The following ELOC variants were observed in gnomAD, a reference collection of about 807,000 sequenced individuals.
The protein encoded by ELOC is elongin C.
For missense variants in ELOC, 38 were observed against 139.0 expected, an observed-to-expected ratio of 0.27 and a Z score of 3.65; for synonymous variants, 40 against 51.3, an observed-to-expected ratio of 0.78 and a Z score of 0.94.
chr8:73,971,706 G>A (rs4738405), intron 1 of ELOC, among the ~76,000 whole-genome samples: 1 of 152,010 alleles, frequency 6.6e-6, no homozygotes, highest in Non-Finnish European at 1.5e-5. Flanking sequence ...CCTGGGCTAG[G>A]GACTGACTTC....
At chr8:73,964,290 T>C (rs1441478620) in intron 1 of ELOC, among the ~76,000 whole-genome samples, 1 of 150,624 alleles carries the variant, frequency 6.6e-6, no homozygotes, top group Admixed American at 6.6e-5. Context: ...CCTGAATCCT[T>C]ATATGGAAAA....
chr8:73,961,760 GC>G (rs1814617313), intron 1 of ELOC, among the ~76,000 whole-genome samples: 1 of 151,506 alleles, frequency 6.6e-6, no homozygotes, highest in Non-Finnish European at 1.5e-5. Context: ...TGATCCACTT[GC>G]CTCAGCCTCC....
intron 2 of ELOC, among the ~76,000 whole-genome samples, chr8:73,958,648 T>C (rs541263719): frequency 4.1e-4 from 62 of 152,312 alleles, no homozygotes; most frequent in African/African-American, 1.4e-3. Flanking sequence ...ATAAAAATGG[T>C]TATTATTTCA....
chr8:73,949,219 T>C (rs900265393), intron 3 of ELOC, among the ~76,000 whole-genome samples: 1 of 152,106 alleles, frequency 6.6e-6, no homozygotes, highest in Non-Finnish European at 1.5e-5. Flanking sequence ...TGGTTGGGGG[T>C]ATACTGTAGC....
intron 3 of ELOC, among the ~76,000 whole-genome samples, chr8:73,950,208 G>C (rs1586592512): frequency 6.6e-6 from 1 of 152,120 alleles, no homozygotes; most frequent in African/African-American, 2.4e-5. Context: ...CATGTCAAAA[G>C]GACACAGAAG....
chr8:73,964,839 C>A (rs185833725), intron 1 of ELOC, among the ~76,000 whole-genome samples: 169 of 152,122 alleles, frequency 1.1e-3, no homozygotes, highest in Non-Finnish European at 2.1e-3. Flanking sequence ...GCCTGGACAA[C>A]ATGGTGGTGA....
chr8:73,957,267 A>C (rs1037667346), intron 2 of ELOC, among the ~76,000 whole-genome samples: 1 of 152,088 alleles, frequency 6.6e-6, no homozygotes, highest in Admixed American at 6.6e-5. Flanking sequence ...CTTTAAAAAA[A>C]CCCAAAGCTG....
intron 1 of ELOC, among the ~76,000 whole-genome samples, chr8:73,971,001 T>A (rs1815341305): frequency 8.3e-6 from 1 of 120,080 alleles, no homozygotes; most frequent in Non-Finnish European, 1.6e-5. Context: ...GTCACTGCAC[T>A]CCAGCCTCAG....
At chr8:73,950,072 C>G (rs911017810) in intron 3 of ELOC, among the ~76,000 whole-genome samples, 1 of 152,076 alleles carries the variant, frequency 6.6e-6, no homozygotes, top group Non-Finnish European at 1.5e-5. Flanking sequence ...CCCCTAAATA[C>G]CATTTTCTAC....
In ELOC at chr8:73,963,839, T is replaced by A. The variant is rs139094547; in HGVS notation, c.-50-4021A>T. 5.9e-3 allele frequency among the ~76,000 whole-genome samples: 903 copies of A among 152,276 alleles called. 13 individuals are homozygous for A. The highest frequency in any genetic ancestry group is 0.021 in the African/African-American group (858 of 41,564). On this transcript the variant is annotated intron_variant, in intron 1 of 3. Transcript: ENST00000520242. ...TGGGTGTGATGGCTCACGCCTATAA[T>A]CCCAGCACTTTGGGAGGCCGAAGGG... is the stretch of plus-strand genomic sequence containing the variant.
intron 3 of ELOC, among the ~76,000 whole-genome samples, chr8:73,948,997 T>TAA (rs1190890379): frequency 1.3e-5 from 2 of 152,210 alleles, no homozygotes; most frequent in Non-Finnish European, 2.9e-5. Context: ...CAGCATTTCA[T>TAA]AAACAGTTTT....
chr8:73,953,642 G>A (rs1007430085), intron 3 of ELOC, among the ~76,000 whole-genome samples: 1 of 151,202 alleles, frequency 6.6e-6, no homozygotes, highest in Non-Finnish European at 1.5e-5. Context: ...CCTGGGCAAC[G>A]AGAGTGAAAC....
chr8:73,970,793 G>A (rs1815305109), intron 1 of ELOC, among the ~76,000 whole-genome samples: 1 of 151,448 alleles, frequency 6.6e-6, no homozygotes, highest in Non-Finnish European at 1.5e-5. Context: ...GGTGGAGGCG[G>A]GCGGATCACC....
intron 1 of ELOC, among the ~76,000 whole-genome samples, chr8:73,968,181 AAATT>A (rs1308316554): frequency 6.6e-6 from 1 of 152,216 alleles, no homozygotes; most frequent in Non-Finnish European, 1.5e-5. Flanking sequence ...AGACTCGGAT[AAATT>A]AAGTGATAGG....
chr8:73,961,526 T>C (rs1814596712), intron 1 of ELOC, among the ~76,000 whole-genome samples: 1 of 152,216 alleles, frequency 6.6e-6, no homozygotes, highest in African/African-American at 2.4e-5. Context: ...CTCTTTTTTT[T>C]TTTTTGAGAG....
intron 2 of ELOC, among the ~76,000 whole-genome samples, chr8:73,956,915 G>A (rs1814228086): frequency 6.6e-6 from 1 of 152,162 alleles, no homozygotes; most frequent in Non-Finnish European, 1.5e-5. Flanking sequence ...GCCAAGGCGG[G>A]TGGATCACGA....
Position 73,950,617 on chromosome 8 carries a change from T to C in ELOC, c.149-3797A>G, listed in dbSNP as rs144971044. On this transcript the variant is annotated intron_variant, in intron 3 of 3. Coordinates refer to ENST00000520242, the MANE Select transcript of ELOC (RefSeq NM_005648.4). ...CTAAATCATAGTGGGGAATTTTTAA[T>C]GGATGAATCAGCCTGACAACCTGGA... Among the ~76,000 whole-genome samples the C allele has an allele frequency of 2.0e-4, 31 of 152,278 alleles. No individual in the cohort carries two copies. In the East Asian group the frequency reaches 5.8e-3, roughly 28 times the overall value.
chr8:73,961,782 T>C (rs1157624627), intron 1 of ELOC, among the ~76,000 whole-genome samples: 1 of 151,476 alleles, frequency 6.6e-6, no homozygotes, highest in Non-Finnish European at 1.5e-5. Flanking sequence ...CAAAGTACCA[T>C]TTCTAATTTG....
At chr8:73,959,110 G>C (rs1030998636) in intron 2 of ELOC, among the ~76,000 whole-genome samples, 2 of 152,188 alleles carry the variant, frequency 1.3e-5, no homozygotes, top group Non-Finnish European at 2.9e-5. Context: ...ACGATGAATG[G>C]AGTCTGCAGG....
Sources: gnomAD v4.1 joint callset for allele counts (sites outside exome capture counted in the v4.1 genomes callset) on GRCh38, gnomAD v4.1.1 for gene constraint, MANE v1.5 for transcripts, NCBI Gene and HGNC (gene_info 2026-07-23, HGNC 2026-07-21) for gene names.